The following HSPA4L variants were observed in gnomAD, a reference collection of about 807,000 sequenced individuals.
HSPA4L encodes heat shock protein family A (Hsp70) member 4 like.
HSPA4L carries 48 observed loss-of-function variants against 100.3 expected under a neutral mutation model. The ratio of observed to expected loss-of-function variants is 0.48; its 90% CI spans 0.38 to 0.61. The LOEUF is 0.61. Ranked by LOEUF, HSPA4L falls within the 20% of genes least tolerant of loss-of-function variation. The pLI is 0.00. For missense variants in HSPA4L, 886 were observed against 988.6 expected (o/e 0.90, Z 1.39); for synonymous variants, 319 against 328.2 (o/e 0.97, Z 0.30).
At chr4:127,821,471 G>A (rs1296899505) in intron 14 of HSPA4L, among the ~76,000 whole-genome samples, 2 of 152,106 alleles carry the variant, frequency 1.3e-5, no homozygotes, top group Non-Finnish European at 2.9e-5. Flanking sequence ...TTTTGCTCAA[G>A]TATTATAATC....
At chr4:127,812,135 C>T (rs1259070438) in intron 12 of HSPA4L, among the ~76,000 whole-genome samples, 2 of 151,978 alleles carry the variant, frequency 1.3e-5, no homozygotes, top group African/African-American at 2.4e-5. Context: ...TTTGGCCGGG[C>T]GCAGTAGCTC....
At chr4:127,822,527 G>C (rs1201323836) in intron 14 of HSPA4L, among the ~76,000 whole-genome samples, 5 of 152,106 alleles carry the variant, frequency 3.3e-5, no homozygotes, top group African/African-American at 1.2e-4. Flanking sequence ...GTGTATCTAG[G>C]AGTGAAATTG....
intron 11 of HSPA4L, among the ~76,000 whole-genome samples, chr4:127,810,778 A>G: frequency 6.6e-6 from 1 of 152,084 alleles, no homozygotes; most frequent in East Asian, 1.9e-4. Context: ...ACACATAGTC[A>G]TGTTCTGAGG....
At chr4:127,805,615 C>T in intron 9 of HSPA4L, 72 bp from the exon 10 acceptor site, 1 of 1,087,310 alleles carries the variant, frequency 9.2e-7, no homozygotes, top group South Asian at 1.4e-5. Flanking sequence ...CTCTATTAAG[C>T]AGTTCAATCA....
intron 12 of HSPA4L, among the ~76,000 whole-genome samples, chr4:127,811,989 A>G (rs1019780688): frequency 2.6e-5 from 4 of 152,214 alleles, no homozygotes; most frequent in African/African-American, 9.6e-5. Flanking sequence ...TCAGAATGAT[A>G]AATTTTGAAC....
At chr4:127,823,716 A>C (rs1027501705) in intron 16 of HSPA4L, 92 bp downstream of exon 16, 2 of 692,932 alleles carry the variant, frequency 2.9e-6, no homozygotes, top group African/African-American at 3.7e-5. Flanking sequence ...ATTAATTTTT[A>C]ATTTTTTAAT....
chr4:127,829,507 G>C (rs1257786587), intron 17 of HSPA4L, among the ~76,000 whole-genome samples: 2 of 152,020 alleles, frequency 1.3e-5, no homozygotes, highest in Admixed American at 6.6e-5. Context: ...CCAAGAATTG[G>C]TTAGATTTTT....
chr4:127,802,311 A>G (rs963893003), intron 6 of HSPA4L, among the ~76,000 whole-genome samples: 2 of 152,302 alleles, frequency 1.3e-5, no homozygotes, highest in African/African-American at 4.8e-5. Flanking sequence ...TTTCTATCCA[A>G]GCGTTCTAAT....
chr4:127,830,649 T>C lies in HSPA4L; in HGVS notation c.2178T>C (p.Tyr726=), dbSNP rs11934062. 7.8e-3 allele frequency: 12,255 copies of C among 1,580,384 alleles called. 793 individuals are homozygous for C. In the African/African-American group the frequency reaches 0.14, roughly 19 times the overall value. ...IEAYRNKDER[Y]DHLDPTEMEK... ...TTTTTTTTAAATAGGATGAAAGATA[T>C]GATCATCTGGATCCTACTGAAATGG... Residue 726 remains tyrosine (Y), a synonymous_variant, in exon 18 of 19, where the codon TAT becomes TAC. Transcript: ENST00000296464.
At chr4:127,786,624 C>T (rs1410163026) in intron 1 of HSPA4L, among the ~76,000 whole-genome samples, 1 of 152,128 alleles carries the variant, frequency 6.6e-6, no homozygotes, top group African/African-American at 2.4e-5. Context: ...TGCCACCATG[C>T]CACACTAATT....
chr4:127,804,613 AC>A (rs1733296940), intron 8 of HSPA4L, among the ~76,000 whole-genome samples: 1 of 31,616 alleles, frequency 3.2e-5, no homozygotes, highest in Admixed American at 6.2e-4. Context: ...CTCAAAACAC[AC>A]ACACACACAC....
At position 127,838,727 on chromosome 4, in the gene HSPA4L, C is replaced by T. The variant is rs1734294976; in HGVS notation, c.*5853C>T. On this transcript the variant is annotated 3_prime_UTR_variant, in exon 19 of 19. Coordinates refer to ENST00000296464, the MANE Select transcript of HSPA4L (RefSeq NM_014278.4). ...CCTTTATCTTGCTTTATCCTCTTAT[C>T]CAATTCTAGACTCTTAAATAATCAC... 6.6e-6 allele frequency: 1 copy of T among 152,146 alleles called. No individual in the cohort carries two copies. The highest frequency in any genetic ancestry group is 2.1e-4 in the South Asian group (1 of 4,830). The allele number at this position is 152,146 out of a possible 1,614,324, so 9.4% of individuals were successfully genotyped here.
At chr4:127,803,035 A>T (rs1733237101) in intron 6 of HSPA4L, among the ~76,000 whole-genome samples, 1 of 151,578 alleles carries the variant, frequency 6.6e-6, no homozygotes. Context: ...AATTTCTATG[A>T]CTCTCTTCTG....
intron 4 of HSPA4L, among the ~76,000 whole-genome samples, chr4:127,799,707 G>A (rs1285396713): frequency 1.3e-5 from 2 of 152,180 alleles, no homozygotes; most frequent in African/African-American, 4.8e-5. Context: ...TCAGAACAGA[G>A]TAATACAAAC....
At chr4:127,807,711 A>G (rs1733401522) in intron 10 of HSPA4L, among the ~76,000 whole-genome samples, 1 of 152,096 alleles carries the variant, frequency 6.6e-6, no homozygotes, top group African/African-American at 2.4e-5. Flanking sequence ...TATGTGAGGG[A>G]AAAAAACCAT....
chr4:127,818,489 T>C, intron 13 of HSPA4L, 69 bp downstream of exon 13: 1 of 926,426 alleles, frequency 1.1e-6, no homozygotes, highest in Non-Finnish European at 1.7e-6. Flanking sequence ...ATTTAATGCT[T>C]TCTTTTAACG....
chr4:127,834,963 A>G lies in HSPA4L; in HGVS notation c.*2089A>G, dbSNP rs1734169557. The G allele has an allele frequency of 1.3e-5, 2 of 152,188 alleles. No homozygotes were observed. The highest frequency in any genetic ancestry group is 4.8e-5 in the African/African-American group (2 of 41,458). The allele number at this position is 152,188 out of a possible 1,614,324, so 9.4% of individuals were successfully genotyped here. A position where few individuals can be genotyped will look rare whatever the true frequency, so the allele number is the denominator to read the frequency against. On this transcript the variant is annotated 3_prime_UTR_variant, in exon 19 of 19. Coordinates refer to ENST00000296464, the MANE Select transcript of HSPA4L (RefSeq NM_014278.4). ...TTTAATAACTTATATACATCCAAATATATATACTTTTTCTACCCAATTATT... is the reference window on the plus strand; with the variant it reads ...TTTAATAACTTATATACATCCAAATGTATATACTTTTTCTACCCAATTATT...
chr4:127,794,049 G>C (rs748025826), intron 1 of HSPA4L, 28 bp from the exon 2 acceptor site: 19 of 1,551,254 alleles, frequency 1.2e-5, no homozygotes, highest in Non-Finnish European at 1.2e-5. Flanking sequence ...AAGTACCATG[G>C]AACAAACTTT....
At chr4:127,788,210 T>A (rs1578687418) in intron 1 of HSPA4L, among the ~76,000 whole-genome samples, 1 of 152,176 alleles carries the variant, frequency 6.6e-6, no homozygotes, top group East Asian at 1.9e-4. Context: ...GGCTTCAAGC[T>A]AATTTATTTA....
Sources: gnomAD v4.1 joint callset for allele counts (sites outside exome capture counted in the v4.1 genomes callset) on GRCh38, gnomAD v4.1.1 for gene constraint, MANE v1.5 for transcripts, NCBI Gene and HGNC (gene_info 2026-07-23, HGNC 2026-07-21) for gene names.